The following MRO variants were observed in gnomAD, a reference collection of about 807,000 sequenced individuals.
MRO encodes the protein protein maestro.
Under a neutral mutation model 31.0 loss-of-function variants are expected in MRO, and 28 were observed. That is an observed-to-expected ratio of 0.90 (90% CI 0.67 to 1.24). The LOEUF is 1.24. Ranked by LOEUF, MRO falls within the 50% of genes most tolerant of loss-of-function variation. The probability of loss-of-function intolerance (pLI) is 0.00; values close to 1 mark genes in which losing one functional copy is unlikely to be tolerated. For synonymous variants in MRO, 108 were observed against 108.4 expected (o/e 1.00, Z 0.02); for missense variants, 332 against 289.2 (o/e 1.15, Z -1.07).
intron 2 of MRO, chr18:50,815,276 G>T: frequency 3.9e-6 from 1 of 258,640 alleles, no homozygotes; most frequent in South Asian, 5.4e-5. Context: ...AAGTGGATCT[G>T]GCAACTTGGC....
intron 2 of MRO, among the ~76,000 whole-genome samples, chr18:50,811,368 C>T (rs1914456810): frequency 6.6e-6 from 1 of 152,206 alleles, no homozygotes; most frequent in African/African-American, 2.4e-5. Flanking sequence ...ATTCCATCCT[C>T]CCCCAGCCTC....
intron 1 of MRO, 39 bp downstream of exon 1, chr18:50,819,858 A>G: frequency 1.3e-6 from 2 of 1,546,662 alleles, no homozygotes; most frequent in Non-Finnish European, 1.8e-6. Context: ...AATGAAACCG[A>G]CAAGAATATT....
In MRO at chr18:50,819,652, G is replaced by A. The variant is rs929540943; in HGVS notation, c.-76C>T. 5.2e-6 allele frequency: 8 copies of A among 1,551,486 alleles called. No individual in the cohort carries two copies. Among genetic ancestry groups the A allele is most frequent in the East Asian group, 4.9e-5 (2 of 40,908 alleles). ...CCTGACTCGGGAGGGCTGCTTTCCCGGGTAGTAGCCAAATGTGATGACTCG... is the reference window on the plus strand; with the variant it reads ...CCTGACTCGGGAGGGCTGCTTTCCCAGGTAGTAGCCAAATGTGATGACTCG... On this transcript the variant is annotated 5_prime_UTR_variant, in exon 2 of 8. Coordinates refer to ENST00000398439, the MANE Select transcript of MRO (RefSeq NM_031939.6).
chr18:50,819,799 G>T, intron 1 of MRO, 97 bp from the exon 2 acceptor site: 8 of 1,541,530 alleles, frequency 5.2e-6, no homozygotes, highest in Non-Finnish European at 7.0e-6. Flanking sequence ...AATAAGAGGG[G>T]AAAGTCAAAG....
intron 3 of MRO, 78 bp from the exon 4 acceptor site, chr18:50,806,928 A>C: frequency 7.0e-7 from 1 of 1,433,110 alleles, no homozygotes; most frequent in Non-Finnish European, 9.7e-7. Context: ...TCTCCCTCTA[A>C]AGAAAATCCC....
intron 2 of MRO, among the ~76,000 whole-genome samples, chr18:50,811,737 G>A (rs1283777229): frequency 6.9e-6 from 1 of 144,072 alleles, no homozygotes; most frequent in African/African-American, 2.6e-5. Context: ...GCTGAGTCAT[G>A]TGGTAATTCT....
At chr18:50,806,947 C>A in intron 3 of MRO, 97 bp from the exon 4 acceptor site, 1 of 1,276,010 alleles carries the variant, frequency 7.8e-7, no homozygotes, top group Non-Finnish European at 1.1e-6. Flanking sequence ...CCGTGATTGC[C>A]TGCTCAATTT....
At chr18:50,822,036 G>A (rs2144687895), upstream of MRO, among the ~76,000 whole-genome samples, 1 of 152,262 alleles carries the variant, frequency 6.6e-6, no homozygotes, top group East Asian at 1.9e-4. Context: ...GGAAATTAGA[G>A]GGCAAGTTTG....
chr18:50,809,466 T>G, intron 2 of MRO, 62 bp from the exon 3 acceptor site: 1 of 1,167,436 alleles, frequency 8.6e-7, no homozygotes, highest in Non-Finnish European at 1.3e-6. Context: ...CAAACATTGT[T>G]GTACAATGCA....
intron 5 of MRO, 111 bp downstream of exon 5, chr18:50,805,043 G>A (rs1245861177): frequency 1.2e-6 from 1 of 830,186 alleles, no homozygotes; most frequent in Non-Finnish European, 1.9e-6. Flanking sequence ...CACCCGCCTC[G>A]GCCTCCCAAA....
chr18:50,801,478 G>T lies in MRO; in HGVS notation c.456C>A (p.Ala152=), dbSNP rs771354974. Residue 152 remains alanine, a synonymous_variant, in exon 6 of 8, where the codon GCC becomes GCA. Transcript: ENST00000398439. ...CAGCCAATTGCCCAAACAAAACAAA[G>T]GCCGAGTATCTCAGACTGTCGTTCT... is the stretch of plus-strand genomic sequence containing the variant. ...DDENDSLRYS[A]FVLFGQLAAF... 1.2e-6 allele frequency: 2 copies of T among 1,608,008 alleles called. No individual in the cohort carries two copies. The highest frequency in any genetic ancestry group is 1.7e-6 in the Non-Finnish European group (2 of 1,177,472).
chr18:50,805,241 CAG>C lies in MRO; in HGVS notation c.340_341del (p.Leu114AspfsTer29), dbSNP rs553835874. On this transcript the variant is annotated frameshift_variant, in exon 5 of 8. Coordinates refer to ENST00000398439, the MANE Select transcript of MRO (RefSeq NM_031939.6). LOFTEE classifies it high-confidence loss of function. The stretch of plus-strand genomic sequence containing the variant: ...CCTGGATCTTGCCCAGAACGACGGT[CAG>C]AGTCTTCATACTCTCATGGATGACT... ...LEVIHESMKTLTVVLGKIQGK... is the reference protein window; with the variant it reads ...LEVIHESMKTXTVVLGKIQGK... 13,878 of 1,614,018 alleles carry C rather than the reference CAG, an allele frequency of 8.6e-3. 99 individuals are homozygous for C. The highest frequency in any genetic ancestry group is 9.6e-3 in the Non-Finnish European group (11,334 of 1,179,920).
At chr18:50,799,775 G>A (rs1322316932) in intron 7 of MRO, among the ~76,000 whole-genome samples, 2 of 152,162 alleles carry the variant, frequency 1.3e-5, no homozygotes, top group African/African-American at 4.8e-5. Flanking sequence ...GCCGGGTGTG[G>A]TGGTGCACGC....
chr18:50,811,912 T>C (rs573454680), intron 2 of MRO, among the ~76,000 whole-genome samples: 2 of 152,180 alleles, frequency 1.3e-5, no homozygotes, highest in African/African-American at 4.8e-5. Context: ...TGGATAATTT[T>C]TGTATTTTTA....
chr18:50,819,575 C>G lies in MRO; in HGVS notation c.-5+6G>C. On this transcript the variant is annotated splice_donor_region_variant and intron_variant, in intron 2 of 7. Transcript: ENST00000398439. ...TCTGGCTGCCCCGGCCAACAGTGTC[C>G]CTTACCTGCGGCTCCTGCAGGCGGC... is the stretch of plus-strand genomic sequence containing the variant. 1 of 1,551,650 alleles carries G rather than the reference C, an allele frequency of 6.4e-7. No individual in the cohort carries two copies. Among genetic ancestry groups the G allele is most frequent in the Admixed American group, 2.0e-5 (1 of 50,994 alleles).
At chr18:50,819,420 C>T (rs1915191664) in intron 2 of MRO, 161 bp downstream of exon 2, 1 of 985,256 alleles carries the variant, frequency 1.0e-6, no homozygotes, top group Non-Finnish European at 1.2e-6. Context: ...CAACATTGCC[C>T]ACTTCAGTTT....
intron 2 of MRO, 100 bp downstream of exon 2, chr18:50,819,481 C>G (rs1915197104): frequency 1.3e-6 from 2 of 1,498,680 alleles, no homozygotes; most frequent in African/African-American, 1.4e-5. Flanking sequence ...AGCTCCCATA[C>G]TGGTGACCAG....
At chr18:50,822,330 T>C (rs1474364227), upstream of MRO, among the ~76,000 whole-genome samples, 1 of 68,092 alleles carries the variant, frequency 1.5e-5, no homozygotes, top group Non-Finnish European at 3.5e-5. Context: ...GAAATTTATC[T>C]TTTTTAGTTT....
At position 50,805,158 on chromosome 18, in the gene MRO, T is replaced by C. The variant is rs1913788374; in HGVS notation, c.425A>G (p.Asp142Gly). The C allele has an allele frequency of 1.2e-6, 2 of 1,609,470 alleles. No homozygotes were observed. Among genetic ancestry groups the C allele is most frequent in the Middle Eastern group, 1.6e-4 (1 of 6,062 alleles). The change falls in exon 5 of 8, where the codon GAT becomes GGT. Residue 142 changes from aspartate (D) to glycine (G), a missense_variant. Asp to Gly is a moderately conservative substitution (Grantham distance 94). Transcript: ENST00000398439. ...GAATTTTTCTGATTTACTTACGTCA[T>C]CTAATAAAGTCCTGGTCTGAAGGGT... ...DITLQTRTLL[D>G]DENDSLRYSA...
Sources: gnomAD v4.1 joint callset for allele counts (sites outside exome capture counted in the v4.1 genomes callset) on GRCh38, gnomAD v4.1.1 for gene constraint, MANE v1.5 for transcripts, NCBI Gene and HGNC (gene_info 2026-07-23, HGNC 2026-07-21) for gene names.